FBXL2: variants seen among roughly 807,000 people sequenced by gnomAD.
FBXL2 encodes the protein F-box and leucine rich repeat protein 2.
In FBXL2, 38 loss-of-function variants were observed where a neutral mutation model predicts 69.2. The ratio of observed to expected loss-of-function variants is 0.55; its 90% confidence interval spans 0.42 to 0.72. FBXL2 has a LOEUF of 0.72. FBXL2 is among the 30% of genes least tolerant of loss of function. The probability of loss-of-function intolerance (pLI) is 0.00; values close to 1 mark genes in which losing one functional copy is unlikely to be tolerated. For synonymous variants in FBXL2, 192 were observed against 201.3 expected, an observed-to-expected ratio of 0.95 and a Z score of 0.39; for missense variants, 354 against 520.3, an observed-to-expected ratio of 0.68 and a Z score of 3.11.
At chr3:33,339,716 G>GA (rs1402354700) in intron 2 of FBXL2, among the ~76,000 whole-genome samples, 6 of 151,628 alleles carry the variant, frequency 4.0e-5, no homozygotes, top group East Asian at 1.9e-4. Flanking sequence ...AAGTTGGAAG[G>GA]AAAAAAAACA....
At chr3:33,412,483 T>A in the FBXL2 span, among the ~76,000 whole-genome samples, 1 of 151,044 alleles carries the variant, frequency 6.6e-6, no homozygotes, top group African/African-American at 2.4e-5. Context: ...CTTGGGAGGC[T>A]AAGGCAGGAA....
chr3:33,360,379 G>A (rs576233207), intron 4 of FBXL2, among the ~76,000 whole-genome samples: 1 of 152,250 alleles, frequency 6.6e-6, no homozygotes, highest in East Asian at 1.9e-4. Flanking sequence ...CTTACTGCCT[G>A]AGAGTCTCTG....
At chr3:33,339,976 G>T (rs1420296487) in intron 2 of FBXL2, among the ~76,000 whole-genome samples, 2 of 152,200 alleles carry the variant, frequency 1.3e-5, no homozygotes, top group Non-Finnish European at 2.9e-5. Context: ...TCATGCAACA[G>T]CATGGACAAA....
the FBXL2 span, among the ~76,000 whole-genome samples, chr3:33,422,509 G>A: frequency 6.6e-6 from 1 of 152,130 alleles, no homozygotes; most frequent in Non-Finnish European, 1.5e-5. Context: ...TTGAGCCCAG[G>A]AGTCGGAGAT....
chr3:33,361,862 C>T (rs1452271201), intron 4 of FBXL2, among the ~76,000 whole-genome samples: 3 of 152,042 alleles, frequency 2.0e-5, no homozygotes, highest in Admixed American at 2.0e-4. Flanking sequence ...AGGATGCTTG[C>T]CCTAGGAAGC....
the FBXL2 span, among the ~76,000 whole-genome samples, chr3:33,417,799 T>G: frequency 1.4e-4 from 22 of 152,206 alleles, no homozygotes; most frequent in Non-Finnish European, 4.4e-5. Flanking sequence ...TTGAGAATCT[T>G]TATAACTACC....
chr3:33,292,244 G>A (rs1461100565), intron 1 of FBXL2, among the ~76,000 whole-genome samples: 1 of 152,114 alleles, frequency 6.6e-6, no homozygotes, highest in Non-Finnish European at 1.5e-5. Flanking sequence ...ACTGGGTGTG[G>A]TGGTGCACAC....
At chr3:33,285,795 C>T (rs2034545382) in intron 1 of FBXL2, among the ~76,000 whole-genome samples, 1 of 152,092 alleles carries the variant, frequency 6.6e-6, no homozygotes, top group African/African-American at 2.4e-5. Flanking sequence ...TTTGATCTTC[C>T]ATCACTGATA....
rs141685829 is a variant in FBXL2, at chr3:33,331,597, A to G, written c.66-27370A>G. On this transcript the variant is annotated intron_variant, in intron 2 of 14. Coordinates refer to ENST00000484457, the MANE Select transcript of FBXL2 (RefSeq NM_012157.5). ...CAGAAATTCCAAGCTAAGAAATTAA[A>G]TTAAAACTGATGCTAGAAGGATGAA... Among the ~76,000 whole-genome samples the G allele has an allele frequency of 1.2e-4, 19 of 152,334 alleles. No homozygotes were observed. The East Asian group carries it at 3.5e-3, about 28-fold the overall frequency.
intron 5 of FBXL2, among the ~76,000 whole-genome samples, chr3:33,370,417 C>CAAAGAA (rs2042221407): frequency 7.7e-6 from 1 of 129,114 alleles, no homozygotes; most frequent in Admixed American, 7.9e-5. Flanking sequence ...GACTCCGTCT[C>CAAAGAA]AAAAAAAAAA....
At chr3:33,341,160 G>GA (rs2039990314) in intron 2 of FBXL2, among the ~76,000 whole-genome samples, 1 of 152,108 alleles carries the variant, frequency 6.6e-6, no homozygotes, top group African/African-American at 2.4e-5. Context: ...TACCATTTGT[G>GA]AAGTAGTCTT....
chr3:33,311,120 G>T (rs1259627218), intron 2 of FBXL2, among the ~76,000 whole-genome samples: 1 of 152,174 alleles, frequency 6.6e-6, no homozygotes, highest in Non-Finnish European at 1.5e-5. Flanking sequence ...CTTGTAGATT[G>T]TAAGGTTTCT....
At chr3:33,403,571 T>C (rs1176505417) in exon 13 of FBXL2, 1 of 150,328 alleles carries the variant, frequency 6.7e-6, no homozygotes, top group African/African-American at 2.5e-5. Flanking sequence ...TCTGTCTGTC[T>C]GTCTGTCTGT....
the FBXL2 span, among the ~76,000 whole-genome samples, chr3:33,418,537 G>T: frequency 6.6e-6 from 1 of 151,882 alleles, no homozygotes; most frequent in African/African-American, 2.4e-5. Flanking sequence ...GGGATTACAG[G>T]CGTGAGCCAC....
chr3:33,341,577 C>T (rs1480900179), intron 2 of FBXL2, among the ~76,000 whole-genome samples: 2 of 152,056 alleles, frequency 1.3e-5, no homozygotes, highest in Non-Finnish European at 2.9e-5. Context: ...CGCCTGTAAT[C>T]CTAGCACTTT....
chr3:33,349,553 C>T (rs2154035747), intron 2 of FBXL2, among the ~76,000 whole-genome samples: 1 of 152,182 alleles, frequency 6.6e-6, no homozygotes, highest in South Asian at 2.1e-4. Context: ...GAGATGTTGG[C>T]CTGTAGTTTT....
At chr3:33,295,576 T>C (rs1036299570) in intron 1 of FBXL2, among the ~76,000 whole-genome samples, 1 of 152,228 alleles carries the variant, frequency 6.6e-6, no homozygotes, top group African/African-American at 2.4e-5. Context: ...TATGGACATA[T>C]ATTTTCATTT....
chr3:33,419,780 A>G, the FBXL2 span, among the ~76,000 whole-genome samples: 2 of 152,294 alleles, frequency 1.3e-5, no homozygotes, highest in Admixed American at 6.5e-5. Flanking sequence ...TTTGTCCCCA[A>G]TCCATAATTT....
chr3:33,303,439 G>C (rs78348599), intron 2 of FBXL2, among the ~76,000 whole-genome samples: 1,680 of 152,180 alleles, frequency 0.011, 11 homozygotes, highest in Middle Eastern at 0.027. Context: ...TTTAGTCTAG[G>C]TTGGGGTTAT....
Sources: gnomAD v4.1 joint callset for allele counts (sites outside exome capture counted in the v4.1 genomes callset) on GRCh38, gnomAD v4.1.1 for gene constraint, MANE v1.5 for transcripts, NCBI Gene and HGNC (gene_info 2026-07-23, HGNC 2026-07-21) for gene names.